CES3: variants seen among roughly 807,000 people sequenced by gnomAD.
CES3 encodes carboxylesterase 3 (brain).
Under a neutral mutation model 57.6 loss-of-function variants are expected in CES3, and 49 were observed. That is an observed-to-expected ratio of 0.85 (90% CI 0.68 to 1.08). The LOEUF is 1.08. CES3 is among the 50% of genes least tolerant of loss of function. The pLI is 0.00. For synonymous variants in CES3, 266 were observed against 281.6 expected, an observed-to-expected ratio of 0.94 and a Z score of 0.55; for missense variants, 645 against 742.0, an observed-to-expected ratio of 0.87 and a Z score of 1.52.
intron 5 of CES3, 30 bp downstream of exon 5, chr16:66,964,540 G>A (rs1330651010): frequency 9.9e-6 from 16 of 1,612,588 alleles, no homozygotes; most frequent in Non-Finnish European, 1.3e-5. Context: ...TAGTGATGGT[G>A]GCCAGGAGGG....
At chr16:66,961,516 CA>C (rs1963651654) in intron 1 of CES3, 127 bp downstream of exon 1, 1 of 713,366 alleles carries the variant, frequency 1.4e-6, no homozygotes, top group African/African-American at 1.8e-5. Context: ...AGGGGTTGTG[CA>C]TTCTCTCTGG....
At chr16:66,965,592 C>T (rs1462552654) in intron 6 of CES3, among the ~76,000 whole-genome samples, 1 of 152,176 alleles carries the variant, frequency 6.6e-6, no homozygotes, top group Non-Finnish European at 1.5e-5. Context: ...ACAGCATCCT[C>T]CTCTCAACCT....
At chr16:66,971,022 C>A in intron 9 of CES3, 150 bp from the exon 10 acceptor site, 1 of 822,370 alleles carries the variant, frequency 1.2e-6, no homozygotes, top group Non-Finnish European at 1.8e-6. Flanking sequence ...TTATGCCAAA[C>A]TCCCAGGGAG....
intron 1 of CES3, among the ~76,000 whole-genome samples, chr16:66,962,632 C>T (rs367907721): frequency 7.2e-5 from 11 of 152,210 alleles, no homozygotes; most frequent in Admixed American, 5.2e-4. Flanking sequence ...CATGATGGCT[C>T]ATGCCTGTAA....
In CES3 at chr16:66,972,756, T is replaced by G. The variant is rs1305816821; in HGVS notation, c.1520+10T>G. The G allele has an allele frequency of 6.2e-7, 1 of 1,613,960 alleles. No individual in the cohort carries two copies. Among genetic ancestry groups the G allele is most frequent in the East Asian group, 2.2e-5 (1 of 44,874 alleles). On this transcript the variant is annotated intron_variant, in intron 12 of 12. Coordinates refer to ENST00000303334, the MANE Select transcript of CES3 (RefSeq NM_024922.6). ...ACTTTGCCCGGACAGGGTGAGTGAGTGACAGGGCATAGCTCGCTTTGGGCC... is the reference window on the plus strand; with the variant it reads ...ACTTTGCCCGGACAGGGTGAGTGAGGGACAGGGCATAGCTCGCTTTGGGCC...
chr16:66,973,343 C>T lies in CES3; in HGVS notation c.*294C>T. On this transcript the variant is annotated 3_prime_UTR_variant, in exon 13 of 13. Coordinates refer to ENST00000303334, the MANE Select transcript of CES3 (RefSeq NM_024922.6). ...AGGACTCACTCCCCCAGGAAGCCTT[C>T]CCTGCCTTCTCTGGGCTGTGCGGCC... is the stretch of plus-strand genomic sequence containing the variant. 2.9e-6 allele frequency: 1 copy of T among 349,248 alleles called. No homozygotes were observed. The highest frequency in any genetic ancestry group is 5.4e-6 in the Non-Finnish European group (1 of 185,770). The allele number at this position is 349,248 out of a possible 1,614,324, so 21.6% of individuals were successfully genotyped here.
chr16:66,968,700 A>T (rs779102900), intron 8 of CES3, among the ~76,000 whole-genome samples: 1 of 151,360 alleles, frequency 6.6e-6, no homozygotes, highest in Non-Finnish European at 1.5e-5. Flanking sequence ...GGTCACTTGA[A>T]GTCAGGAGTT....
rs1368566499 is a variant in CES3 at position 66,966,859 on chromosome 16, C to A, written c.1056C>A (p.Ile352=). The part of the protein sequence containing the change: ...GVNNHEFSWL[I]PRGWGLLDTM... ...ACAACCATGAGTTCAGCTGGCTCAT[C>A]CCCAGGGTGAGTTGCTCCCACCCCT... The change falls in exon 8 of 13, where the codon ATC becomes ATA. Residue 352 remains isoleucine, a synonymous_variant. Transcript: ENST00000303334. 1 of 1,614,034 alleles carries A rather than the reference C, an allele frequency of 6.2e-7. No individual in the cohort carries two copies.
At chr16:66,962,567 T>C (rs1489332098) in intron 1 of CES3, among the ~76,000 whole-genome samples, 3 of 152,114 alleles carry the variant, frequency 2.0e-5, no homozygotes, top group Non-Finnish European at 4.4e-5. Context: ...GAGACCAGCC[T>C]GGGCAACATA....
chr16:66,970,933 C>T (rs577805969), intron 9 of CES3, among the ~76,000 whole-genome samples: 2 of 152,320 alleles, frequency 1.3e-5, no homozygotes, highest in Non-Finnish European at 2.9e-5. Context: ...GACTGACTTT[C>T]AGAGAGGTTT....
intron 9 of CES3, among the ~76,000 whole-genome samples, chr16:66,970,044 C>T (rs1013258938): frequency 3.9e-5 from 6 of 152,050 alleles, no homozygotes; most frequent in African/African-American, 4.8e-5. Flanking sequence ...CACTGAGCGC[C>T]GGGAGAGGGT....
At chr16:66,967,437 G>T in intron 8 of CES3, 1 of 933,298 alleles carries the variant, frequency 1.1e-6, no homozygotes, top group Non-Finnish European at 1.3e-6. Context: ...TCCTGCCTTG[G>T]CGTCTGGTTT....
At chr16:66,967,748 G>A (rs1963757860) in intron 8 of CES3, 1 of 974,796 alleles carries the variant, frequency 1.0e-6, no homozygotes, top group Non-Finnish European at 1.2e-6. Flanking sequence ...CATTTTTGTT[G>A]TTGTTGTTGT....
rs372931037 is a variant in CES3 at position 66,963,680 on chromosome 16, C to T, written c.426+51C>T. 3 of 1,613,402 alleles carry T rather than the reference C, an allele frequency of 1.9e-6. No individual in the cohort carries two copies. The highest frequency in any genetic ancestry group is 2.5e-6 in the Non-Finnish European group (3 of 1,179,892). ...ACCTGATCCAGCTCCACTATGCCTACCTGTCCCCTCCCCGTCCCTGTTTCC... is the reference window on the plus strand; with the variant it reads ...ACCTGATCCAGCTCCACTATGCCTATCTGTCCCCTCCCCGTCCCTGTTTCC... On this transcript the variant is annotated intron_variant, in intron 3 of 12. Coordinates refer to ENST00000303334, the MANE Select transcript of CES3 (RefSeq NM_024922.6). The surrounding 1 kb of genome is among the most constrained non-coding windows in gnomAD (Gnocchi z 4.9).
Position 66,964,706 on chromosome 16 carries a change from T to C in CES3, c.798T>C (p.Ser266=), listed in dbSNP as rs1162762247. ...GVITTPGIID[S]HPWPLAQKIA... is the part of the protein sequence containing the mutation. ...TCACCACCCCAGGGATCATCGACTC[T>C]CACCCTTGGCCCCTAGCTCAGGTCT... Residue 266 remains serine (S), a synonymous_variant, in exon 6 of 13, where the codon TCT becomes TCC. Transcript: ENST00000303334. 1 of 1,613,886 alleles carries C rather than the reference T, an allele frequency of 6.2e-7. No homozygotes were observed. The highest frequency in any genetic ancestry group is 8.5e-7 in the Non-Finnish European group (1 of 1,179,942).
Position 66,963,351 on chromosome 16 carries a change from G to A in CES3, c.255G>A (p.Glu85=), listed in dbSNP as rs375168713. 6.2e-7 allele frequency: 1 copy of A among 1,613,154 alleles called. No homozygotes were observed. The highest frequency in any genetic ancestry group is 1.3e-5 in the African/African-American group (1 of 74,944). The change falls in exon 2 of 13, where the codon GAG becomes GAA. Residue 85 remains glutamate, a synonymous_variant. Transcript: ENST00000303334. This position sits in a 1 kb window ranked among gnomAD's most constrained non-coding sequence, Gnocchi z 4.9. ...FSAPHPAQPW[E]GVRDASTAPP... is the part of the protein sequence containing the mutation. ...CCCCACACCCAGCACAGCCCTGGGAGGGTGTGCGGGATGCCAGCACTGCGC... is the reference window on the plus strand; with the variant it reads ...CCCCACACCCAGCACAGCCCTGGGAAGGTGTGCGGGATGCCAGCACTGCGC...
chr16:66,962,495 A>C (rs1963664670), intron 1 of CES3, among the ~76,000 whole-genome samples: 1 of 152,242 alleles, frequency 6.6e-6, no homozygotes. Flanking sequence ...ATGATGGCTC[A>C]CACCTGTCGT....
chr16:66,971,951 C>T (rs935786714), intron 10 of CES3, among the ~76,000 whole-genome samples: 22 of 151,484 alleles, frequency 1.5e-4, no homozygotes, highest in Non-Finnish European at 3.2e-4. Flanking sequence ...GCCTGGGCAA[C>T]ATATTGACCC....
rs1369701414 is a variant in CES3 at position 66,969,752 on chromosome 16, C to G, written c.1136C>G (p.Thr379Ser). ...CTGGCCATCTCAACACCCGTCTTGA[C>G]CAGTCTGGTGAGACAAGAGGCAGGA... is the stretch of plus-strand genomic sequence containing the variant. ...DMLAISTPVL[T>S]SLDVPPEMMP... Residue 379 changes from threonine to serine, a missense_variant, in exon 9 of 13, where the codon ACC becomes AGC. Physicochemically the swap from Thr to Ser is moderately conservative, Grantham distance 58 (BLOSUM62 1). Transcript: ENST00000303334. The G allele has an allele frequency of 6.2e-7, 1 of 1,611,980 alleles. No homozygotes were observed.
Sources: gnomAD v4.1 joint callset for allele counts (sites outside exome capture counted in the v4.1 genomes callset) on GRCh38, gnomAD v4.1.1 for gene constraint, Gnocchi (gnomAD v3.1) non-coding constraint, MANE v1.5 for transcripts, NCBI Gene and HGNC (gene_info 2026-07-23, HGNC 2026-07-21) for gene names.